Variants in ZCCHC14 observed in about 807,000 individuals in gnomAD.
ZCCHC14 encodes zinc finger CCHC domain-containing protein 14.
ZCCHC14 carries 16 observed loss-of-function variants against 85.0 expected under a neutral mutation model. That is an observed-to-expected ratio of 0.19 (90% confidence interval 0.13 to 0.29). The LOEUF (loss-of-function observed/expected upper bound fraction) is 0.29. Ranked by LOEUF, ZCCHC14 falls within the 10% of genes least tolerant of loss-of-function variation. ZCCHC14 has a pLI of 1.00. For missense variants in ZCCHC14, 1,303 were observed against 1,443.5 expected (o/e 0.90, Z 1.58); for synonymous variants, 775 against 630.7 (o/e 1.23, Z -3.43).
At chr16:87,465,566 G>A (rs183465105) in intron 1 of ZCCHC14, among the ~76,000 whole-genome samples, 2 of 152,280 alleles carry the variant, frequency 1.3e-5, no homozygotes, top group Admixed American at 1.3e-4. Flanking sequence ...ACCTGGACTT[G>A]GGCAGCCCGC....
chr16:87,479,772 G>A (rs562219968), intron 1 of ZCCHC14, among the ~76,000 whole-genome samples: 1 of 152,226 alleles, frequency 6.6e-6, no homozygotes, highest in South Asian at 2.1e-4. Flanking sequence ...AGGCTCCACA[G>A]GAGACAAGGC....
chr16:87,419,492 G>A (rs184965708), intron 6 of ZCCHC14, among the ~76,000 whole-genome samples: 45 of 152,306 alleles, frequency 3.0e-4, no homozygotes, highest in Non-Finnish European at 4.4e-4. Flanking sequence ...TAGTAGACAC[G>A]GGGTTTCACC....
intron 1 of ZCCHC14, among the ~76,000 whole-genome samples, chr16:87,489,128 C>T (rs1912639385): frequency 6.6e-6 from 1 of 152,186 alleles, no homozygotes; most frequent in Non-Finnish European, 1.5e-5. Context: ...ATAAAGGGTT[C>T]ATCAACGTCA....
intron 9 of ZCCHC14, 50 bp from the exon 10 acceptor site, chr16:87,414,591 G>A: frequency 6.4e-7 from 1 of 1,565,342 alleles, no homozygotes; most frequent in Non-Finnish European, 8.7e-7. Context: ...TACTGGTGCT[G>A]CCTCACATGC....
intron 6 of ZCCHC14, 48 bp downstream of exon 6, chr16:87,419,735 T>TC: frequency 7.2e-7 from 1 of 1,388,822 alleles, no homozygotes; most frequent in Non-Finnish European, 9.8e-7. Flanking sequence ...TGCGCCCAGC[T>TC]GTTTTTTTTT....
intron 1 of ZCCHC14, among the ~76,000 whole-genome samples, chr16:87,477,125 A>AG (rs1912045730): frequency 7.8e-6 from 1 of 128,852 alleles, no homozygotes; most frequent in Non-Finnish European, 1.6e-5. Context: ...AGTCTCAAAA[A>AG]AAAAAAAAAA....
In ZCCHC14 at chr16:87,459,989, A is replaced by G. The variant is rs981876875; in HGVS notation, c.694+19T>C. 6.2e-7 allele frequency: 1 copy of G among 1,613,916 alleles called. No individual in the cohort carries two copies. The highest frequency in any genetic ancestry group is 1.3e-5 in the African/African-American group (1 of 74,898). On this transcript the variant is annotated intron_variant, in intron 2 of 12. Transcript: ENST00000671377. ...CTCCGTCCGTCAGACGTCCTCCTGA[A>G]ACCCGTGCGTGCACTCACCTTTGCT...
chr16:87,428,816 T>C (rs569804943), intron 3 of ZCCHC14, among the ~76,000 whole-genome samples: 1 of 152,376 alleles, frequency 6.6e-6, no homozygotes, highest in African/African-American at 2.4e-5. Flanking sequence ...AGGAGTCGTC[T>C]AGTTTCTTTC....
intron 4 of ZCCHC14, among the ~76,000 whole-genome samples, chr16:87,421,520 C>T (rs1158228909): frequency 6.6e-6 from 1 of 152,160 alleles, no homozygotes; most frequent in Non-Finnish European, 1.5e-5. Flanking sequence ...CACAGGCCTG[C>T]CCAGGATCAG....
At chr16:87,426,020 T>A (rs968315417) in intron 3 of ZCCHC14, among the ~76,000 whole-genome samples, 2 of 152,234 alleles carry the variant, frequency 1.3e-5, no homozygotes, top group African/African-American at 2.4e-5. Context: ...GATACATTTT[T>A]CTCTGACTTG....
chr16:87,484,646 A>G (rs1912432694), intron 1 of ZCCHC14, among the ~76,000 whole-genome samples: 1 of 152,230 alleles, frequency 6.6e-6, no homozygotes. Flanking sequence ...TACCAGCGCC[A>G]GCCAGCGGGA....
intron 2 of ZCCHC14, among the ~76,000 whole-genome samples, chr16:87,458,029 CCT>C (rs1158347556): frequency 1.3e-5 from 2 of 152,084 alleles, no homozygotes; most frequent in South Asian, 2.1e-4. Flanking sequence ...GTCAGCTCAC[CCT>C]CTGTCTCTCT....
At chr16:87,429,207 C>G (rs1466468762) in intron 3 of ZCCHC14, among the ~76,000 whole-genome samples, 1 of 152,178 alleles carries the variant, frequency 6.6e-6, no homozygotes, top group South Asian at 2.1e-4. Flanking sequence ...GTGGGGCCGG[C>G]GTTTTTCATT....
chr16:87,457,063 T>A (rs892445890), intron 2 of ZCCHC14, among the ~76,000 whole-genome samples: 4 of 152,168 alleles, frequency 2.6e-5, no homozygotes, highest in African/African-American at 9.7e-5. Flanking sequence ...ACTGGAGCGC[T>A]GGAGAGTGCA....
chr16:87,480,678 C>T (rs1912227489), intron 1 of ZCCHC14, among the ~76,000 whole-genome samples: 1 of 152,166 alleles, frequency 6.6e-6, no homozygotes. Context: ...AGGTGAGCCC[C>T]TAGTAGGTGG....
chr16:87,415,185 C>T, intron 9 of ZCCHC14, 91 bp downstream of exon 9: 2 of 1,023,070 alleles, frequency 2.0e-6, no homozygotes, highest in Non-Finnish European at 1.5e-6. Flanking sequence ...CTAATCCAAT[C>T]ACTAGTATTT....
chr16:87,429,741 G>C (rs563092716), intron 3 of ZCCHC14, among the ~76,000 whole-genome samples: 1 of 152,336 alleles, frequency 6.6e-6, no homozygotes, highest in South Asian at 2.1e-4. Flanking sequence ...CAAGCAGCTA[G>C]GATTACAGGT....
At chr16:87,432,966 C>T (rs555227500) in intron 3 of ZCCHC14, among the ~76,000 whole-genome samples, 162 bp downstream of exon 3, 1 of 152,150 alleles carries the variant, frequency 6.6e-6, no homozygotes, top group East Asian at 1.9e-4. Flanking sequence ...CAACCCCCAC[C>T]CTGGAGACAG....
At chr16:87,478,482 G>C (rs1420889564) in intron 1 of ZCCHC14, among the ~76,000 whole-genome samples, 1 of 152,204 alleles carries the variant, frequency 6.6e-6, no homozygotes, top group Non-Finnish European at 1.5e-5. Flanking sequence ...GGAGTCAGGA[G>C]AATCTCCCAG....
Sources: gnomAD v4.1 joint callset for allele counts (sites outside exome capture counted in the v4.1 genomes callset) on GRCh38, gnomAD v4.1.1 for gene constraint, MANE v1.5 for transcripts, NCBI Gene and HGNC (gene_info 2026-07-23, HGNC 2026-07-21) for gene names.